LRRIQ1: variants seen among roughly 807,000 people sequenced by gnomAD.
The protein encoded by LRRIQ1 is leucine-rich repeat- and IQ domain-containing protein 1.
A neutral mutation model predicts 211.9 loss-of-function variants in LRRIQ1; 210 were observed. The observed-to-expected ratio is 0.99, with a 90% CI of 0.89 to 1.11. The LOEUF (loss-of-function observed/expected upper bound fraction) is 1.11. Among genes scored for constraint, LRRIQ1 ranks in the 50% most tolerant of loss-of-function variants. The probability of loss-of-function intolerance (pLI) is 0.00; values close to 1 mark genes in which losing one functional copy is unlikely to be tolerated. For missense variants in LRRIQ1, 2,136 were observed against 1,939.5 expected (o/e 1.10, Z -1.90); for synonymous variants, 699 against 650.1 (o/e 1.08, Z -1.14).
At chr12:85,109,590 G>A (rs1408562520) in intron 15 of LRRIQ1, among the ~76,000 whole-genome samples, 1 of 152,056 alleles carries the variant, frequency 6.6e-6, no homozygotes, top group African/African-American at 2.4e-5. Context: ...TAGTACAGTG[G>A]TTCTCAAAGG....
Position 85,064,315 on chromosome 12 carries a change from A to G in LRRIQ1, c.2392-947A>G, listed in dbSNP as rs529336830. ...TTTCAGATGACTGTTTGCCATTTAT[A>G]TATTTTCTTGAGAAATATCTATTCA... On this transcript the variant is annotated intron_variant, in intron 8 of 26. Coordinates refer to ENST00000393217, the MANE Select transcript of LRRIQ1 (RefSeq NM_001079910.2). Among the ~76,000 whole-genome samples, 26 of 151,954 alleles carry G rather than the reference A, an allele frequency of 1.7e-4. No homozygotes were observed. In the East Asian group the frequency reaches 2.9e-3, roughly 17 times the overall value.
At chr12:85,231,789 A>G (rs1377054704) in intron 25 of LRRIQ1, among the ~76,000 whole-genome samples, 1 of 152,164 alleles carries the variant, frequency 6.6e-6, no homozygotes, top group Non-Finnish European at 1.5e-5. Flanking sequence ...GCACCAAGGC[A>G]ATCATGAGAG....
chr12:85,205,033 G>T (rs1472119183), intron 24 of LRRIQ1, among the ~76,000 whole-genome samples: 2 of 152,062 alleles, frequency 1.3e-5, no homozygotes, highest in Non-Finnish European at 2.9e-5. Context: ...TAAATCAGGG[G>T]GGTGGTTTCT....
chr12:85,174,701 C>CAAAAAAAA (rs71076115), intron 24 of LRRIQ1, among the ~76,000 whole-genome samples: 8 of 21,592 alleles, frequency 3.7e-4, no homozygotes, highest in East Asian at 8.3e-4. Context: ...GAGTACAGCT[C>CAAAAAAAA]AAAAAAAAAA....
At chr12:85,126,090 G>T (rs1335944545) in intron 17 of LRRIQ1, among the ~76,000 whole-genome samples, 1 of 152,068 alleles carries the variant, frequency 6.6e-6, no homozygotes. Context: ...TCATGGAGTT[G>T]TTTTTCTTAA....
intron 18 of LRRIQ1, among the ~76,000 whole-genome samples, chr12:85,136,995 A>G (rs1889177974): frequency 6.6e-6 from 1 of 151,710 alleles, no homozygotes; most frequent in Non-Finnish European, 1.5e-5. Flanking sequence ...GTATTTAGAG[A>G]AGTCTGGCTT....
intron 1 of LRRIQ1, among the ~76,000 whole-genome samples, chr12:85,256,600 A>G (rs561350378): frequency 5.9e-5 from 9 of 151,804 alleles, no homozygotes; most frequent in Admixed American, 2.0e-4. Context: ...TGGGAGATCT[A>G]TTCACAAGTC....
rs374116723 is a variant in LRRIQ1, at chr12:85,055,593, G to A, written c.800G>A (p.Arg267Lys). Residue 267 changes from arginine to lysine, a missense_variant, in exon 8 of 27, where the codon AGA becomes AAA. Physicochemically the swap from Arg to Lys is conservative, Grantham distance 26 (BLOSUM62 2). Coordinates refer to ENST00000393217, the MANE Select transcript of LRRIQ1 (RefSeq NM_001079910.2). ...TTACAAATGGAAGAAGAAAGAACAA[G>A]ATTTAAAGACCAACAAGAAAAAGAA... is the stretch of plus-strand genomic sequence containing the variant. The part of the protein sequence containing the change: ...LHLQMEEERT[R>K]FKDQQEKEKN... 62 of 1,562,206 alleles carry A rather than the reference G, an allele frequency of 4.0e-5. No individual in the cohort carries two copies. The highest frequency in any genetic ancestry group is 4.7e-5 in the Non-Finnish European group (55 of 1,162,728).
chr12:85,159,749 CATGT>C (rs34105629), intron 23 of LRRIQ1, among the ~76,000 whole-genome samples: 36,083 of 151,598 alleles, frequency 0.24, 4,825 homozygotes, highest in African/African-American at 0.34. Context: ...TGTTCTTTGA[CATGT>C]CATTTTTTTT....
At chr12:85,058,811 C>G (rs1592715435) in intron 8 of LRRIQ1, among the ~76,000 whole-genome samples, 1 of 151,990 alleles carries the variant, frequency 6.6e-6, no homozygotes, top group African/African-American at 2.4e-5. Context: ...TCCATTCTTG[C>G]AATGATTCTA....
At chr12:85,243,538 A>G (rs1895568388) in intron 26 of LRRIQ1, among the ~76,000 whole-genome samples, 1 of 150,984 alleles carries the variant, frequency 6.6e-6, no homozygotes, top group South Asian at 2.1e-4. Flanking sequence ...AGCAAGAGCA[A>G]TACTTGCTTA....
intron 24 of LRRIQ1, among the ~76,000 whole-genome samples, chr12:85,170,848 A>C (rs530871796): frequency 6.6e-6 from 1 of 152,218 alleles, no homozygotes; most frequent in East Asian, 1.9e-4. Flanking sequence ...GAAGCTGATA[A>C]AAATTTTTGA....
At chr12:85,220,068 T>A (rs1894325509) in intron 24 of LRRIQ1, among the ~76,000 whole-genome samples, 1 of 152,124 alleles carries the variant, frequency 6.6e-6, no homozygotes, top group African/African-American at 2.4e-5. Context: ...ATAGTGTAAA[T>A]CAAAATTTTA....
intron 24 of LRRIQ1, among the ~76,000 whole-genome samples, chr12:85,217,854 C>G (rs536737671): frequency 6.6e-6 from 1 of 150,968 alleles, no homozygotes; most frequent in South Asian, 2.1e-4. Context: ...CCACTATCAC[C>G]ATGTTATTCT....
chr12:85,049,000 A>C (rs1879982428), intron 6 of LRRIQ1, among the ~76,000 whole-genome samples: 1 of 152,198 alleles, frequency 6.6e-6, no homozygotes, highest in African/African-American at 2.4e-5. Context: ...ACCCTCAAAG[A>C]ATTATAACTT....
intron 16 of LRRIQ1, among the ~76,000 whole-genome samples, chr12:85,122,795 A>G (rs961193914): frequency 1.2e-4 from 18 of 152,034 alleles, no homozygotes; most frequent in African/African-American, 4.3e-4. Context: ...AAATACTGCG[A>G]TTATTTACAT....
intron 24 of LRRIQ1, among the ~76,000 whole-genome samples, chr12:85,175,312 A>G (rs1891636990): frequency 1.3e-5 from 2 of 152,154 alleles, no homozygotes; most frequent in Admixed American, 6.6e-5. Context: ...GAGAATAAAC[A>G]TTCCATGATG....
chr12:85,250,753 A>G (rs546401692), intron 1 of LRRIQ1, among the ~76,000 whole-genome samples: 34 of 136,010 alleles, frequency 2.5e-4, no homozygotes, highest in African/African-American at 9.6e-4. Context: ...GAGGCAATAA[A>G]TAGATAATGG....
chr12:85,085,121 G>A (rs1165059224), intron 11 of LRRIQ1, among the ~76,000 whole-genome samples: 5 of 151,474 alleles, frequency 3.3e-5, no homozygotes, highest in Non-Finnish European at 5.9e-5. Flanking sequence ...TGTTTCCCCC[G>A]CCCCCCAATT....
Sources: allele counts gnomAD v4.1 joint callset (sites outside exome capture counted in the v4.1 genomes callset), GRCh38; gene constraint gnomAD v4.1.1; transcripts MANE v1.5; gene names NCBI Gene and HGNC (gene_info 2026-07-23, HGNC 2026-07-21).